The following ANK3 variants were observed in gnomAD, a reference collection of about 807,000 sequenced individuals.
ANK3 encodes the protein ankyrin-3.
Under a neutral mutation model 370.9 loss-of-function variants are expected in ANK3, and 57 were observed. The observed-to-expected ratio is 0.15, with a 90% confidence interval of 0.12 to 0.19. ANK3 has a LOEUF of 0.19. Among genes scored for constraint, ANK3 ranks in the 10% least tolerant of loss-of-function variants. The pLI is 1.00. For synonymous variants in ANK3, 1,929 were observed against 1,946.3 expected (o/e 0.99, Z 0.23); for missense variants, 4,439 against 5,302.1 (o/e 0.84, Z 5.06).
chr10:60,475,335 A>C (rs141898434), intron 2 of ANK3, among the ~76,000 whole-genome samples: 1 of 152,304 alleles, frequency 6.6e-6, no homozygotes, highest in East Asian at 1.9e-4. Flanking sequence ...ATCTGAGTTG[A>C]AAATGATTAT....
At chr10:60,079,079 C>T (rs186703777) in intron 36 of ANK3, among the ~76,000 whole-genome samples, 25 of 152,010 alleles carry the variant, frequency 1.6e-4, no homozygotes, top group Non-Finnish European at 3.1e-4. Flanking sequence ...GGGTCTCAAC[C>T]AACTACCCAC....
At chr10:60,705,047 T>C (rs1238726548) in intron 1 of ANK3, among the ~76,000 whole-genome samples, 1 of 152,182 alleles carries the variant, frequency 6.6e-6, no homozygotes, top group East Asian at 1.9e-4. Context: ...TAAAAATAAA[T>C]GAATTACTTA....
chr10:60,454,657 T>C (rs1448825304), intron 2 of ANK3, among the ~76,000 whole-genome samples: 1 of 152,144 alleles, frequency 6.6e-6, no homozygotes, highest in African/African-American at 2.4e-5. Flanking sequence ...GATGACGTTT[T>C]TATTACATAC....
intron 1 of ANK3, among the ~76,000 whole-genome samples, chr10:60,299,510 G>C (rs11814450): frequency 0.09 from 13,640 of 152,146 alleles, 839 homozygotes; most frequent in South Asian, 0.16. Flanking sequence ...GGTGTTCTCA[G>C]AGTTAGATAC....
Position 60,389,658 on chromosome 10 carries a change from G to C in ANK3, c.-120C>G. 1 of 1,488,020 alleles carries C rather than the reference G, an allele frequency of 6.7e-7. No homozygotes were observed. Among genetic ancestry groups the C allele is most frequent in the Non-Finnish European group, 8.9e-7 (1 of 1,125,050 alleles). The allele number at this position is 1,488,020 out of a possible 1,614,324, so 92.2% of individuals were successfully genotyped here. On this transcript the variant is annotated 5_prime_UTR_variant, in exon 1 of 44. Coordinates refer to ENST00000280772, the MANE Select transcript of ANK3 (RefSeq NM_020987.5). ...ATCACTAGAGAGAAAGCTTTGACTA[G>C]AAGCAGGAAGATATTCACAATGCAA...
chr10:60,607,900 T>G (rs1652364041), intron 2 of ANK3, among the ~76,000 whole-genome samples: 1 of 152,162 alleles, frequency 6.6e-6, no homozygotes, highest in Non-Finnish European at 1.5e-5. Flanking sequence ...ACCTACCTAA[T>G]GTCGTTATCA....
chr10:60,656,326 T>C (rs2078863129), intron 1 of ANK3, among the ~76,000 whole-genome samples: 1 of 152,122 alleles, frequency 6.6e-6, no homozygotes, highest in African/African-American at 2.4e-5. Context: ...ATTTTCCTTC[T>C]AATGTCTGTA....
chr10:60,282,140 C>T (rs1385553615), intron 1 of ANK3, among the ~76,000 whole-genome samples: 7 of 152,136 alleles, frequency 4.6e-5, no homozygotes, highest in South Asian at 4.1e-4. Context: ...GCTCTGATGC[C>T]GTTCTGGGAA....
intron 1 of ANK3, among the ~76,000 whole-genome samples, chr10:60,691,421 C>T (rs2133403250): frequency 6.6e-6 from 1 of 152,304 alleles, no homozygotes; most frequent in Middle Eastern, 3.4e-3. Context: ...ATCTCTGAAA[C>T]TCATTCACGA....
chr10:60,548,206 CTTTTTTTTTT>C (rs537459971), intron 2 of ANK3, among the ~76,000 whole-genome samples: 19 of 88,374 alleles, frequency 2.1e-4, no homozygotes, highest in Admixed American at 3.3e-4. Context: ...TAAATATTTC[CTTTTTTTTTT>C]TTTTTTTTTT....
chr10:60,345,276 T>C (rs2055188271), intron 1 of ANK3, among the ~76,000 whole-genome samples: 1 of 152,146 alleles, frequency 6.6e-6, no homozygotes, highest in Non-Finnish European at 1.5e-5. Flanking sequence ...ATGTAACTCA[T>C]TCTAGGTTTT....
At chr10:60,582,518 G>A (rs1051304766) in intron 2 of ANK3, among the ~76,000 whole-genome samples, 2 of 151,916 alleles carry the variant, frequency 1.3e-5, no homozygotes, top group Non-Finnish European at 2.9e-5. Context: ...CCAGAGTTGA[G>A]CAAAGGGCTG....
chr10:60,076,200 C>T lies in ANK3; in HGVS notation c.4681G>A (p.Val1561Ile). The change falls in exon 37 of 44, where the codon GTT (valine) becomes ATT (isoleucine). Residue 1561 changes from valine (V) to isoleucine (I), a missense_variant. By Grantham distance (29) the Val-to-Ile change is conservative. This residue lies in a region of ANK3 where 679 missense variants were observed against 791.0 expected (regional missense o/e 0.86). Transcript: ENST00000280772. ...GATGCCACGTCACTAATGGATTTAA[C>T]TGAAGATGTAGTTGACGCGCCTAAT... ...STLGASTTSSVKSISDVASPI... is the reference protein window; with the variant it reads ...STLGASTTSSIKSISDVASPI... 6.2e-7 allele frequency: 1 copy of T among 1,614,154 alleles called. No homozygotes were observed. Among genetic ancestry groups the T allele is most frequent in the Non-Finnish European group, 8.5e-7 (1 of 1,179,976 alleles).
chr10:60,117,281 G>A (rs923211364), intron 25 of ANK3, among the ~76,000 whole-genome samples: 13 of 152,194 alleles, frequency 8.5e-5, no homozygotes, highest in Non-Finnish European at 1.9e-4. Context: ...AATTTTCATG[G>A]TTATGATGAA....
At chr10:60,288,011 C>T (rs774461440) in intron 1 of ANK3, among the ~76,000 whole-genome samples, 8 of 152,152 alleles carry the variant, frequency 5.3e-5, no homozygotes, top group Non-Finnish European at 1.0e-4. Context: ...AAACCTGTCC[C>T]AAACACATAC....
chr10:60,701,789 A>G (rs1038537894), intron 1 of ANK3, among the ~76,000 whole-genome samples: 3 of 152,204 alleles, frequency 2.0e-5, no homozygotes, highest in Admixed American at 6.5e-5. Flanking sequence ...AAAATAAAAA[A>G]GGGGATGCAA....
At chr10:60,672,146 C>G (rs2079071220) in intron 1 of ANK3, among the ~76,000 whole-genome samples, 1 of 152,230 alleles carries the variant, frequency 6.6e-6, no homozygotes, top group Non-Finnish European at 1.5e-5. Context: ...GTCTCCAACC[C>G]TGGTTTCTGG....
At chr10:60,711,494 A>G (rs577213592) in intron 1 of ANK3, among the ~76,000 whole-genome samples, 2 of 152,194 alleles carry the variant, frequency 1.3e-5, no homozygotes, top group South Asian at 4.1e-4. Flanking sequence ...AATGAGTTTC[A>G]AGATGTCAGT....
intron 1 of ANK3, among the ~76,000 whole-genome samples, chr10:60,695,767 T>C (rs1311660215): frequency 1.3e-5 from 2 of 152,132 alleles, no homozygotes; most frequent in Non-Finnish European, 2.9e-5. Flanking sequence ...TAGAGGGAAA[T>C]TTATAGCACT....
Sources: allele counts gnomAD v4.1 joint callset (sites outside exome capture counted in the v4.1 genomes callset), GRCh38; gene constraint gnomAD v4.1.1; regional missense constraint gnomAD v4.1.1; transcripts MANE v1.5; gene names NCBI Gene and HGNC (gene_info 2026-07-23, HGNC 2026-07-21).